ARHGAP25: variants seen among roughly 807,000 people sequenced by gnomAD.
ARHGAP25 encodes the protein Rho GTPase activating protein 25, also known as rho GTPase-activating protein 25.
In ARHGAP25, 34 loss-of-function variants were observed where a neutral mutation model predicts 71.0. That is an observed-to-expected ratio of 0.48 (90% CI 0.36 to 0.64). The LOEUF is 0.64. ARHGAP25 is among the 30% of genes least tolerant of loss of function. The probability of loss-of-function intolerance (pLI) is 0.00; values close to 1 mark genes in which losing one functional copy is unlikely to be tolerated. For missense variants in ARHGAP25, 706 were observed against 805.1 expected (o/e 0.88, Z 1.49); for synonymous variants, 282 against 296.5 (o/e 0.95, Z 0.50).
At chr2:68,807,733 G>A (rs72903610) in intron 5 of ARHGAP25, among the ~76,000 whole-genome samples, 1,703 of 152,280 alleles carry the variant, frequency 0.011, 34 homozygotes, top group African/African-American at 0.038. Context: ...GCAGATTCAG[G>A]TGATGTTTAA....
chr2:68,722,619 T>A (rs182069386), intron 2 of ARHGAP25, among the ~76,000 whole-genome samples: 1 of 150,716 alleles, frequency 6.6e-6, no homozygotes, highest in African/African-American at 2.4e-5. Flanking sequence ...AGACACTATA[T>A]TGAGTGCTTT....
intron 2 of ARHGAP25, among the ~76,000 whole-genome samples, chr2:68,717,444 A>G (rs1316625988): frequency 6.6e-6 from 1 of 152,192 alleles, no homozygotes; most frequent in African/African-American, 2.4e-5. Flanking sequence ...AACTGAGTCA[A>G]TTCAATCTTT....
At chr2:68,737,214 A>G (rs978245945) in intron 1 of ARHGAP25, among the ~76,000 whole-genome samples, 1 of 152,156 alleles carries the variant, frequency 6.6e-6, no homozygotes, top group African/African-American at 2.4e-5. Flanking sequence ...CTGATGGGGG[A>G]GAGCCCTTGA....
chr2:68,735,307 C>G (rs751339410), intron 1 of ARHGAP25, 47 bp downstream of exon 1: 3 of 1,562,510 alleles, frequency 1.9e-6, no homozygotes, highest in Admixed American at 3.3e-5. Context: ...TACGTATACT[C>G]GAGCACCATT....
chr2:68,789,304 C>T (rs960958966), intron 4 of ARHGAP25, among the ~76,000 whole-genome samples: 1 of 152,184 alleles, frequency 6.6e-6, no homozygotes, highest in African/African-American at 2.4e-5. Flanking sequence ...TCCCAAAGTG[C>T]TGGGATTACA....
At chr2:68,757,789 C>A (rs1676570226) in intron 1 of ARHGAP25, 1 of 152,090 alleles carries the variant, frequency 6.6e-6, no homozygotes, top group Non-Finnish European at 1.5e-5. Flanking sequence ...TGTAACTCCA[C>A]CTTTGTTTTC....
At chr2:68,745,217 T>G (rs1157196792) in intron 1 of ARHGAP25, among the ~76,000 whole-genome samples, 2 of 152,164 alleles carry the variant, frequency 1.3e-5, no homozygotes, top group African/African-American at 4.8e-5. Context: ...GCAGAGCTGT[T>G]AGGTAATACT....
chr2:68,738,845 T>C (rs967998825), intron 1 of ARHGAP25, among the ~76,000 whole-genome samples: 2 of 150,298 alleles, frequency 1.3e-5, no homozygotes, highest in African/African-American at 4.9e-5. Flanking sequence ...AAAAAGAATA[T>C]GAACATGGCC....
intron 2 of ARHGAP25, among the ~76,000 whole-genome samples, chr2:68,722,852 G>A (rs991445733): frequency 4.6e-5 from 7 of 152,104 alleles, no homozygotes; most frequent in African/African-American, 1.7e-4. Flanking sequence ...GCAAATACGA[G>A]TGTCACTTGG....
chr2:68,811,598 T>A (rs1275990151), intron 5 of ARHGAP25, among the ~76,000 whole-genome samples: 3 of 152,186 alleles, frequency 2.0e-5, no homozygotes, highest in Non-Finnish European at 2.9e-5. Flanking sequence ...GTGGGCTCTG[T>A]GCCAGCCCGT....
intron 4 of ARHGAP25, among the ~76,000 whole-genome samples, chr2:68,794,211 C>T (rs193274911): frequency 6.6e-5 from 10 of 152,186 alleles, no homozygotes; most frequent in Non-Finnish European, 1.3e-4. Flanking sequence ...ACATCATCAG[C>T]GAATAGGGAT....
chr2:68,750,487 G>A (rs1283199284), intron 1 of ARHGAP25, among the ~76,000 whole-genome samples: 1 of 151,790 alleles, frequency 6.6e-6, no homozygotes, highest in South Asian at 2.1e-4. Flanking sequence ...CATGCTCGGC[G>A]TATTTGTATT....
At chr2:68,746,705 C>CCA (rs992358805) in intron 1 of ARHGAP25, among the ~76,000 whole-genome samples, 71 of 150,056 alleles carry the variant, frequency 4.7e-4, no homozygotes, top group South Asian at 8.5e-4. Context: ...CAGGGACCAC[C>CCA]CCCCTCCCCA....
chr2:68,818,974 T>C, intron 8 of ARHGAP25, 149 bp from the exon 9 acceptor site: 1 of 625,056 alleles, frequency 1.6e-6, no homozygotes, highest in Non-Finnish European at 2.7e-6. Context: ...TCCAAGCAAT[T>C]AAAAAGGGTC....
chr2:68,736,647 C>A (rs180994287), intron 1 of ARHGAP25, among the ~76,000 whole-genome samples: 3 of 152,262 alleles, frequency 2.0e-5, no homozygotes, highest in Admixed American at 2.0e-4. Context: ...CACACTAGAG[C>A]TCAAGACTGC....
At chr2:68,775,113 G>A (rs867137667) in intron 1 of ARHGAP25, 108 bp from the exon 2 acceptor site, 13 of 1,593,744 alleles carry the variant, frequency 8.2e-6, no homozygotes, top group South Asian at 1.1e-5. Flanking sequence ...CCTGGTTGTC[G>A]TCCCCCCGCT....
chr2:68,790,424 C>T (rs1190629390), intron 4 of ARHGAP25, among the ~76,000 whole-genome samples: 1 of 152,198 alleles, frequency 6.6e-6, no homozygotes, highest in African/African-American at 2.4e-5. Context: ...GAATGTTGGC[C>T]TTAAAGGGAC....
At chr2:68,756,583 C>T (rs1232650540) in intron 1 of ARHGAP25, among the ~76,000 whole-genome samples, 2 of 152,154 alleles carry the variant, frequency 1.3e-5, no homozygotes, top group African/African-American at 4.8e-5. Flanking sequence ...GAAGGTGCAG[C>T]CTCAGAAAAG....
chr2:68,787,792 A>G (rs1678860692), intron 3 of ARHGAP25, 48 bp from the exon 4 acceptor site: 4 of 1,502,572 alleles, frequency 2.7e-6, no homozygotes, highest in Middle Eastern at 1.7e-4. Flanking sequence ...CCTTGCTCTC[A>G]TGTTCTTATC....
Sources: allele counts gnomAD v4.1 joint callset (sites outside exome capture counted in the v4.1 genomes callset), GRCh38; gene constraint gnomAD v4.1.1; transcripts MANE v1.5; gene names NCBI Gene and HGNC (gene_info 2026-07-23, HGNC 2026-07-21).